SLC4A10: variants seen among roughly 807,000 people sequenced by gnomAD.
SLC4A10 encodes sodium-driven chloride bicarbonate exchanger.
A neutral mutation model predicts 137.7 loss-of-function variants in SLC4A10; 42 were observed. The observed-to-expected ratio is 0.30, with a 90% CI of 0.24 to 0.39. SLC4A10 has a LOEUF of 0.39. Ranked by LOEUF, SLC4A10 falls within the 10% of genes least tolerant of loss-of-function variation. SLC4A10 has a pLI of 1.00. For missense variants in SLC4A10, 925 were observed against 1,355.0 expected (o/e 0.68, Z 4.98); for synonymous variants, 474 against 464.1 (o/e 1.02, Z -0.27).
intron 4 of SLC4A10, among the ~76,000 whole-genome samples, chr2:161,848,334 T>C (rs1019837460): frequency 6.6e-6 from 1 of 152,134 alleles, no homozygotes; most frequent in Admixed American, 6.6e-5. Context: ...CTGTAGGTTG[T>C]TTACTCTGTT....
At chr2:161,755,358 A>C (rs2049498467) in intron 1 of SLC4A10, among the ~76,000 whole-genome samples, 1 of 152,196 alleles carries the variant, frequency 6.6e-6, no homozygotes, top group Admixed American at 6.5e-5. Context: ...CAGAAGACGG[A>C]GGAATCTGAA....
At chr2:161,640,258 T>A (rs1012405779) in intron 1 of SLC4A10, among the ~76,000 whole-genome samples, 8 of 152,132 alleles carry the variant, frequency 5.3e-5, no homozygotes, top group Non-Finnish European at 1.2e-4. Flanking sequence ...AGGGCTCCCA[T>A]GTTCTTTTAA....
intron 1 of SLC4A10, among the ~76,000 whole-genome samples, chr2:161,752,733 A>G (rs555246478): frequency 6.6e-6 from 1 of 152,284 alleles, no homozygotes; most frequent in Non-Finnish European, 1.5e-5. Context: ...CAAGTACTGC[A>G]TGATCTCACC....
chr2:161,866,266 T>A (rs989878517), intron 6 of SLC4A10, among the ~76,000 whole-genome samples: 3 of 152,042 alleles, frequency 2.0e-5, no homozygotes, highest in African/African-American at 7.2e-5. Context: ...TTCCCCATTT[T>A]AAAGATTAGA....
chr2:161,745,133 T>A (rs1429834340), intron 1 of SLC4A10, among the ~76,000 whole-genome samples: 1 of 152,220 alleles, frequency 6.6e-6, no homozygotes. Flanking sequence ...ATCATCTCTT[T>A]GAATACACTT....
At chr2:161,976,556 T>C (rs1033803901) in intron 24 of SLC4A10, among the ~76,000 whole-genome samples, 1 of 152,216 alleles carries the variant, frequency 6.6e-6, no homozygotes, top group Non-Finnish European at 1.5e-5. Context: ...CACAACATTA[T>C]GAATGTATTT....
intron 1 of SLC4A10, among the ~76,000 whole-genome samples, chr2:161,731,406 A>G (rs1380633220): frequency 6.6e-6 from 1 of 152,178 alleles, no homozygotes; most frequent in South Asian, 2.1e-4. Flanking sequence ...CAATAAACAC[A>G]TGTTATTTAG....
At chr2:161,739,716 C>T (rs929305234) in intron 1 of SLC4A10, among the ~76,000 whole-genome samples, 4 of 152,212 alleles carry the variant, frequency 2.6e-5, no homozygotes, top group African/African-American at 9.6e-5. Context: ...GTCTCTGTGT[C>T]TTTTGCTGGC....
intron 1 of SLC4A10, among the ~76,000 whole-genome samples, chr2:161,692,190 C>T (rs570098384): frequency 5.9e-5 from 9 of 151,980 alleles, no homozygotes; most frequent in East Asian, 1.9e-4. Flanking sequence ...TGGTTCCACA[C>T]GTTAGAATGG....
At chr2:161,823,041 T>C (rs1195050778) in intron 3 of SLC4A10, among the ~76,000 whole-genome samples, 1 of 152,086 alleles carries the variant, frequency 6.6e-6, no homozygotes, top group Non-Finnish European at 1.5e-5. Flanking sequence ...AACTCACAGA[T>C]AAACTGCATA....
At chr2:161,823,002 T>G (rs895594486) in intron 3 of SLC4A10, among the ~76,000 whole-genome samples, 1 of 151,640 alleles carries the variant, frequency 6.6e-6, no homozygotes, top group South Asian at 2.1e-4. Flanking sequence ...TATATATACT[T>G]TTTTTTTAGA....
intron 1 of SLC4A10, among the ~76,000 whole-genome samples, chr2:161,743,276 A>C (rs1369141617): frequency 6.6e-6 from 1 of 152,174 alleles, no homozygotes; most frequent in African/African-American, 2.4e-5. Context: ...TCTTTAATCC[A>C]TGTTGATTTG....
At chr2:161,808,233 A>G (rs541294883) in intron 3 of SLC4A10, among the ~76,000 whole-genome samples, 11 of 152,220 alleles carry the variant, frequency 7.2e-5, no homozygotes, top group South Asian at 6.2e-4. Context: ...TCAAATATTC[A>G]TTAAGCATAT....
At chr2:161,657,408 C>T (rs1431388277) in intron 1 of SLC4A10, among the ~76,000 whole-genome samples, 1 of 151,828 alleles carries the variant, frequency 6.6e-6, no homozygotes, top group African/African-American at 2.4e-5. Context: ...AAAGTGTTTC[C>T]TAATATATTG....
intron 1 of SLC4A10, among the ~76,000 whole-genome samples, chr2:161,731,612 T>G (rs1364424650): frequency 6.6e-6 from 1 of 152,158 alleles, no homozygotes; most frequent in Non-Finnish European, 1.5e-5. Flanking sequence ...TAATTTAAAC[T>G]AAAATTAGTT....
intron 1 of SLC4A10, among the ~76,000 whole-genome samples, chr2:161,717,210 G>A (rs1302618399): frequency 6.6e-5 from 10 of 152,062 alleles, no homozygotes; most frequent in Non-Finnish European, 1.0e-4. Context: ...GAGATGATGG[G>A]GTTTTCTAGG....
chr2:161,780,573 A>C (rs1170541314), intron 2 of SLC4A10, among the ~76,000 whole-genome samples: 2 of 151,926 alleles, frequency 1.3e-5, no homozygotes, highest in Non-Finnish European at 2.9e-5. Flanking sequence ...AAGTCGAATT[A>C]TTTTTCTATT....
intron 1 of SLC4A10, among the ~76,000 whole-genome samples, chr2:161,748,289 C>G (rs1247985011): frequency 6.6e-6 from 1 of 151,944 alleles, no homozygotes; most frequent in East Asian, 1.9e-4. Flanking sequence ...GTAGGTCTAC[C>G]TGTTCATTTT....
intron 1 of SLC4A10, among the ~76,000 whole-genome samples, chr2:161,707,529 A>G (rs1311017185): frequency 6.6e-6 from 1 of 151,112 alleles, no homozygotes; most frequent in Non-Finnish European, 1.5e-5. Flanking sequence ...CGGTAAAGAG[A>G]AAGCATTTCC....
Sources: gnomAD v4.1 joint callset for allele counts (sites outside exome capture counted in the v4.1 genomes callset) on GRCh38, gnomAD v4.1.1 for gene constraint, MANE v1.5 for transcripts, NCBI Gene and HGNC (gene_info 2026-07-23, HGNC 2026-07-21) for gene names.